Variants in PCID2 observed in about 807,000 individuals in gnomAD.
PCID2 encodes PCI domain-containing protein 2.
PCID2 carries 41 observed loss-of-function variants against 61.3 expected under a neutral mutation model. The observed-to-expected ratio is 0.67, with a 90% CI of 0.52 to 0.87. The LOEUF is 0.87. Among genes scored for constraint, PCID2 ranks in the 40% least tolerant of loss-of-function variants. PCID2 has a pLI of 0.00. For synonymous variants in PCID2, 187 were observed against 177.8 expected, an observed-to-expected ratio of 1.05 and a Z score of -0.41; for missense variants, 392 against 493.4, an observed-to-expected ratio of 0.79 and a Z score of 1.95.
At chr13:113,182,680 T>G (rs993673744) in intron 9 of PCID2, among the ~76,000 whole-genome samples, 4 of 152,066 alleles carry the variant, frequency 2.6e-5, no homozygotes, top group African/African-American at 9.7e-5. Flanking sequence ...TTTTGTATTT[T>G]TAGTAGAGAC....
At chr13:113,175,857 C>T (rs541038829), downstream of PCID2, among the ~76,000 whole-genome samples, 9 of 152,398 alleles carry the variant, frequency 5.9e-5, no homozygotes, top group South Asian at 1.7e-3. Flanking sequence ...CCTGGCTCTA[C>T]TGGGATCTGC....
intron 1 of PCID2, chr13:113,200,754 C>T (rs1042785607): frequency 5.2e-5 from 17 of 327,518 alleles, no homozygotes; most frequent in South Asian, 4.2e-4. Flanking sequence ...GGTCGGACTG[C>T]GGACTGCAGT....
chr13:113,169,135 G>A, the PCID2 span, among the ~76,000 whole-genome samples: 1 of 152,064 alleles, frequency 6.6e-6, no homozygotes, highest in Non-Finnish European at 1.5e-5. Context: ...GAGATGGTCT[G>A]TTCATTTTTC....
chr13:113,181,292 C>G (rs1458956724), intron 9 of PCID2, 62 bp from the exon 10 acceptor site: 2 of 977,680 alleles, frequency 2.0e-6, no homozygotes, highest in Non-Finnish European at 3.3e-6. Context: ...CCCCTTCCTG[C>G]TCCATTTTCT....
Position 113,181,188 on chromosome 13 carries a change from G to C in PCID2, c.728C>G (p.Ser243Cys), listed in dbSNP as rs1182774429. 1.2e-6 allele frequency: 2 copies of C among 1,613,704 alleles called. No homozygotes were observed. Among genetic ancestry groups the C allele is most frequent in the Admixed American group, 1.7e-5 (1 of 59,992 alleles). The change falls in exon 10 of 14, where the codon TCT becomes TGT. Residue 243 changes from serine to cysteine, a missense_variant. This residue lies in a region of PCID2 where 226 missense variants were observed against 296.5 expected (regional missense o/e 0.76). Transcript: ENST00000337344. Reference sequence around the variant, plus strand: ...AATCATCCTTTTGTTCTTCTGACTAGAACGGTGACAATGCTCAAAGGCAAA... The same window carrying C: ...AATCATCCTTTTGTTCTTCTGACTACAACGGTGACAATGCTCAAAGGCAAA... ...LSFAFEHCHR[S>C]SQKNKRMILI... is the part of the protein sequence containing the mutation.
At chr13:113,191,183 A>T (rs550985013) in intron 6 of PCID2, among the ~76,000 whole-genome samples, 1 of 151,748 alleles carries the variant, frequency 6.6e-6, no homozygotes, top group East Asian at 2.0e-4. Flanking sequence ...GTTTTTTTAA[A>T]ATTTATTTTA....
rs547242668 is a variant in PCID2 at position 113,184,277 on chromosome 13, T to C, written c.685+69A>G. 80 of 1,322,190 alleles carry C rather than the reference T, an allele frequency of 6.1e-5. No individual in the cohort carries two copies. The African/African-American group carries it at 9.7e-4, about 16-fold the overall frequency. The allele number at this position is 1,322,190 out of a possible 1,614,324, so 81.9% of individuals were successfully genotyped here. ...ACAGTAATTGTGTTCTCTGAAACTA[T>C]ATTATTCAAAGTTGTTCAGAATGCA... On this transcript the variant is annotated intron_variant, in intron 9 of 13. Coordinates refer to ENST00000337344, the MANE Select transcript of PCID2 (RefSeq NM_001127202.4).
chr13:113,192,944 C>T (rs2038732855), intron 6 of PCID2, among the ~76,000 whole-genome samples: 1 of 152,124 alleles, frequency 6.6e-6, no homozygotes, highest in Non-Finnish European at 1.5e-5. Context: ...CCCCATCTAC[C>T]ATGTGCAGAC....
intron 7 of PCID2, among the ~76,000 whole-genome samples, chr13:113,189,757 T>C (rs2038440423): frequency 6.7e-6 from 1 of 148,746 alleles, no homozygotes; most frequent in South Asian, 2.1e-4. Context: ...GTGCAGTGGC[T>C]CACGCCTATA....
chr13:113,203,617 C>T (rs1329768031), intron 1 of PCID2, among the ~76,000 whole-genome samples: 1 of 152,192 alleles, frequency 6.6e-6, no homozygotes, highest in African/African-American at 2.4e-5. Context: ...TGGTATCTGC[C>T]CATCCTCTGC....
In PCID2 at chr13:113,184,498, T is replaced by A. The variant is rs752446207; in HGVS notation, c.544-11A>T. 55 of 1,498,920 alleles carry A rather than the reference T, an allele frequency of 3.7e-5. No homozygotes were observed. Among genetic ancestry groups the A allele is most frequent in the Non-Finnish European group, 5.0e-5 (54 of 1,078,642 alleles). 92.9% of individuals were successfully genotyped at this position (1,498,920 alleles called of 1,614,324 possible). ...ATGGAGTTTGTTGATCTATAATGAATAACAATCCATTTAAAATATTTAAAA... is the reference window on the plus strand; with the variant it reads ...ATGGAGTTTGTTGATCTATAATGAAAAACAATCCATTTAAAATATTTAAAA... On this transcript the variant is annotated splice_polypyrimidine_tract_variant and intron_variant, in intron 8 of 13. Transcript: ENST00000337344.
rs566419961 is a variant in PCID2 at position 113,203,872 on chromosome 13, C to T, written c.37-3356G>A. Among the ~76,000 whole-genome samples, 6 of 152,350 alleles carry T rather than the reference C, an allele frequency of 3.9e-5. No individual in the cohort carries two copies. The South Asian group carries it at 1.2e-3, about 32-fold the overall frequency. On this transcript the variant is annotated intron_variant, in intron 1 of 13. Coordinates refer to ENST00000337344, the MANE Select transcript of PCID2 (RefSeq NM_001127202.4). ...CCGATCCCACCCAGGTCTTGGTCTG[C>T]AAGTCCCCCAAGAAAACCAGTATTA...
At chr13:113,165,089 G>A in the PCID2 span, 179 of 1,612,624 alleles carry the variant, frequency 1.1e-4, no homozygotes, top group Non-Finnish European at 1.4e-4. Flanking sequence ...TCTGAGAAGC[G>A]TGCACCGGAT....
At chr13:113,171,408 C>G in the PCID2 span, among the ~76,000 whole-genome samples, 10 of 152,184 alleles carry the variant, frequency 6.6e-5, no homozygotes, top group Non-Finnish European at 1.3e-4. This position sits in a 1 kb window ranked among gnomAD's most constrained non-coding sequence, Gnocchi z 5.1. Context: ...TGGTTGCAAT[C>G]GTGCAATCTG....
rs202220384 is a variant in PCID2, at chr13:113,206,986, CAT to C, written c.36+1611_36+1612del. ...GTCTGTTTAAACTTCAGTTTACACA[CAT>C]AGAGTAGAAGCTCGCTTATCAGTCT... On this transcript the variant is annotated intron_variant, in intron 1 of 13. Coordinates refer to ENST00000337344, the MANE Select transcript of PCID2 (RefSeq NM_001127202.4). 6.4e-3 allele frequency among the ~76,000 whole-genome samples: 972 copies of C among 152,332 alleles called. 8 individuals carry two copies. Among genetic ancestry groups the C allele is most frequent in the African/African-American group, 0.022 (922 of 41,570 alleles).
At chr13:113,198,457 T>C (rs1031129171) in intron 2 of PCID2, among the ~76,000 whole-genome samples, 193 bp from the exon 3 acceptor site, 1 of 152,186 alleles carries the variant, frequency 6.6e-6, no homozygotes, top group African/African-American at 2.4e-5. Flanking sequence ...ATCCCAGCAC[T>C]TTGGGAGGGC....
At chr13:113,169,164 C>T in the PCID2 span, among the ~76,000 whole-genome samples, 4 of 152,118 alleles carry the variant, frequency 2.6e-5, no homozygotes, top group East Asian at 1.9e-4. Context: ...CCGTTCTCTC[C>T]GTGTTTTACT....
At chr13:113,203,499 G>T (rs1401758427) in intron 1 of PCID2, among the ~76,000 whole-genome samples, 2 of 152,208 alleles carry the variant, frequency 1.3e-5, no homozygotes, top group East Asian at 1.9e-4. Flanking sequence ...GAAAGGGTTA[G>T]GTTTCCTCTT....
At chr13:113,176,488 G>A (rs2037188377), downstream of PCID2, among the ~76,000 whole-genome samples, 1 of 152,298 alleles carries the variant, frequency 6.6e-6, no homozygotes, top group Non-Finnish European at 1.5e-5. Flanking sequence ...AGAGCCGGGT[G>A]TGGTGGCACA....
Sources: allele counts gnomAD v4.1 joint callset (sites outside exome capture counted in the v4.1 genomes callset), GRCh38; gene constraint gnomAD v4.1.1; regional missense constraint gnomAD v4.1.1; non-coding constraint Gnocchi (gnomAD v3.1); transcripts MANE v1.5; gene names NCBI Gene and HGNC (gene_info 2026-07-23, HGNC 2026-07-21).